The following RIGI variants were observed in gnomAD, a reference collection of about 807,000 sequenced individuals.
RIGI encodes RNA sensor RIG-I.
At chr9:32,515,879 CCA>C in the RIGI span, among the ~76,000 whole-genome samples, 2 of 152,156 alleles carry the variant, frequency 1.3e-5, no homozygotes, top group Non-Finnish European at 2.9e-5. Context: ...GCCTCCTTGC[CCA>C]CATATGTGGC....
At chr9:32,476,176 T>C in the RIGI span, among the ~76,000 whole-genome samples, 17 of 152,006 alleles carry the variant, frequency 1.1e-4, no homozygotes, top group Non-Finnish European at 2.2e-4. Context: ...AAGGAAGAAA[T>C]GCTTGCTCTA....
chr9:32,456,934 C>A, the RIGI span: 2 of 562,482 alleles, frequency 3.6e-6, no homozygotes, highest in African/African-American at 1.9e-5. Context: ...TGTTGGCCTA[C>A]AAAATACTCA....
the RIGI span, among the ~76,000 whole-genome samples, chr9:32,519,205 G>A: frequency 6.6e-6 from 1 of 152,016 alleles, no homozygotes; most frequent in Non-Finnish European, 1.5e-5. Flanking sequence ...GCATTTATTT[G>A]CTGTTTCTTC....
chr9:32,508,360 C>G, the RIGI span, among the ~76,000 whole-genome samples: 1 of 149,586 alleles, frequency 6.7e-6, no homozygotes, highest in Non-Finnish European at 1.5e-5. Context: ...GAGATCAACA[C>G]AGAAGGCGGG....
chr9:32,485,170 C>G, the RIGI span: 1 of 1,582,720 alleles, frequency 6.3e-7, no homozygotes, highest in Non-Finnish European at 8.6e-7. Flanking sequence ...TGAGATTTAT[C>G]TCACCGAGGT....
the RIGI span, among the ~76,000 whole-genome samples, chr9:32,472,580 G>A: frequency 1.2e-4 from 19 of 152,178 alleles, no homozygotes; most frequent in African/African-American, 2.2e-4. Flanking sequence ...TTTAAAAGAC[G>A]GCTTAGGCCT....
At chr9:32,503,897 C>A in the RIGI span, among the ~76,000 whole-genome samples, 3 of 152,032 alleles carry the variant, frequency 2.0e-5, no homozygotes, top group Admixed American at 2.0e-4. Context: ...CACAAATTAG[C>A]CAGGCGCGGT....
At chr9:32,520,834 GT>G in the RIGI span, among the ~76,000 whole-genome samples, 1 of 32,998 alleles carries the variant, frequency 3.0e-5, no homozygotes, top group Non-Finnish European at 1.0e-4. Context: ...CAGGCTGGGC[GT>G]GGTGGCTCAG....
At chr9:32,504,571 G>A in the RIGI span, among the ~76,000 whole-genome samples, 4 of 151,508 alleles carry the variant, frequency 2.6e-5, no homozygotes, top group Non-Finnish European at 4.4e-5. Context: ...CCAGCTACTC[G>A]GGAGGCTGAG....
chr9:32,485,934 T>C, the RIGI span, among the ~76,000 whole-genome samples: 1 of 152,154 alleles, frequency 6.6e-6, no homozygotes, highest in Admixed American at 6.5e-5. Flanking sequence ...ACCCTGTCTC[T>C]GTGCTTTGAT....
chr9:32,467,953 A>G, the RIGI span: 4 of 1,546,624 alleles, frequency 2.6e-6, no homozygotes, highest in African/African-American at 2.8e-5. Flanking sequence ...GTAAGAGGGC[A>G]TTATACAACT....
the RIGI span, chr9:32,487,712 G>T: frequency 3.3e-6 from 5 of 1,531,024 alleles, no homozygotes; most frequent in South Asian, 6.2e-5. Context: ...ACTCTTTCCT[G>T]CTGGGGTAGG....
the RIGI span, among the ~76,000 whole-genome samples, chr9:32,505,240 T>C: frequency 5.3e-5 from 8 of 151,684 alleles, no homozygotes; most frequent in Non-Finnish European, 8.8e-5. Context: ...TGGACAGAGA[T>C]GCACATTATA....
the RIGI span, among the ~76,000 whole-genome samples, chr9:32,509,255 G>A: frequency 6.6e-5 from 10 of 152,166 alleles, no homozygotes; most frequent in Admixed American, 1.3e-4. Flanking sequence ...CTCTGCTAAC[G>A]GACAGACTGC....
At chr9:32,516,518 G>A in the RIGI span, among the ~76,000 whole-genome samples, 1 of 152,096 alleles carries the variant, frequency 6.6e-6, no homozygotes, top group East Asian at 1.9e-4. Flanking sequence ...TGGTCTCTCT[G>A]GCCCTGCTGC....
At chr9:32,500,856 G>T in the RIGI span, 1 of 1,614,140 alleles carries the variant, frequency 6.2e-7, no homozygotes, top group South Asian at 1.1e-5. Flanking sequence ...TCCTCCTGGA[G>T]CTCCAACAGG....
At chr9:32,516,872 G>A in the RIGI span, among the ~76,000 whole-genome samples, 8 of 152,204 alleles carry the variant, frequency 5.3e-5, no homozygotes, top group African/African-American at 1.7e-4. Flanking sequence ...GCCCGATTGA[G>A]AGAGAAAAGC....
the RIGI span, among the ~76,000 whole-genome samples, chr9:32,481,100 A>G: frequency 3.3e-5 from 5 of 152,232 alleles, no homozygotes; most frequent in Non-Finnish European, 5.9e-5. Flanking sequence ...TGCTAGAGGC[A>G]TGGCATAGAA....
At chr9:32,483,321 C>T in the RIGI span, among the ~76,000 whole-genome samples, 4 of 152,164 alleles carry the variant, frequency 2.6e-5, no homozygotes, top group South Asian at 2.1e-4. Flanking sequence ...GTTGCAGCTA[C>T]AGCGAGGTGG....
Sources: gnomAD v4.1 joint callset for allele counts (sites outside exome capture counted in the v4.1 genomes callset) on GRCh38, gnomAD v4.1.1 for gene constraint, MANE v1.5 for transcripts, NCBI Gene and HGNC (gene_info 2026-07-23, HGNC 2026-07-21) for gene names.